CTPS2: variants seen among roughly 807,000 people sequenced by gnomAD.
The protein encoded by CTPS2 is CTP synthase II.
In CTPS2, 19 loss-of-function variants were observed where a neutral mutation model predicts 46.8. That is an observed-to-expected ratio of 0.41 (90% CI 0.28 to 0.60). The LOEUF is 0.60. Among genes scored for constraint, CTPS2 ranks in the 20% least tolerant of loss-of-function variants. The probability of loss-of-function intolerance (pLI) is 0.35; values close to 1 mark genes in which losing one functional copy is unlikely to be tolerated. For synonymous variants in CTPS2, 151 were observed against 165.2 expected (o/e 0.91, Z 0.66); for missense variants, 286 against 447.6 (o/e 0.64, Z 3.26).
chrX:16,666,688 G>T (rs915742491), intron 13 of CTPS2, among the ~76,000 whole-genome samples: 2 of 111,675 alleles, frequency 1.8e-5, no homozygotes, highest in East Asian at 5.6e-4. Context: ...AGCCTGGGAG[G>T]AATCAGGATG....
chrX:16,691,339 G>T (rs1177966206), intron 7 of CTPS2, among the ~76,000 whole-genome samples: 1 of 111,404 alleles, frequency 9.0e-6, no homozygotes, highest in African/African-American at 3.3e-5. Flanking sequence ...AGCCCACCCT[G>T]GTTTTGTGAC....
chrX:16,675,287 T>C (rs1400009299), intron 10 of CTPS2, among the ~76,000 whole-genome samples: 2 of 104,521 alleles, frequency 1.9e-5, no homozygotes, highest in Non-Finnish European at 3.9e-5. Flanking sequence ...AAAAAAAAAC[T>C]TGTAAAGGAT....
At chrX:16,648,656 C>T (rs916047508) in intron 13 of CTPS2, among the ~76,000 whole-genome samples, 1 of 112,017 alleles carries the variant, frequency 8.9e-6, no homozygotes, top group Non-Finnish European at 1.9e-5. Context: ...AAATAAAATG[C>T]CTGTCTTTAC....
At chrX:16,650,511 C>CTTTT (rs1167079038) in intron 13 of CTPS2, among the ~76,000 whole-genome samples, 12 of 77,153 alleles carry the variant, frequency 1.6e-4, no homozygotes, top group East Asian at 4.0e-4. Flanking sequence ...TCTAAGATGT[C>CTTTT]TTTTTTTTTT....
intron 14 of CTPS2, among the ~76,000 whole-genome samples, chrX:16,627,261 G>C (rs531771535): frequency 8.9e-6 from 1 of 111,875 alleles, no homozygotes; most frequent in Non-Finnish European, 1.9e-5. Context: ...GAGCCCTCTC[G>C]TATGTGCAAG....
At position 16,664,099 on chromosome X, in the gene CTPS2, G is replaced by C. The variant is rs951655452; in HGVS notation, c.1296+3415C>G. Among the ~76,000 whole-genome samples the C allele has an allele frequency of 8.0e-5, 9 of 112,181 alleles. No individual in the cohort carries two copies. In the East Asian group the frequency reaches 2.2e-3, roughly 28 times the overall value. On this transcript the variant is annotated intron_variant, in intron 13 of 18. Coordinates refer to ENST00000359276, the MANE Select transcript of CTPS2 (RefSeq NM_175859.3). Reference sequence around the variant, plus strand: ...GATCTGCCCGCCTTGGCCTCCCAAAGTGCTGGGATTATAGGCATGAGCCAC... The same window carrying C: ...GATCTGCCCGCCTTGGCCTCCCAAACTGCTGGGATTATAGGCATGAGCCAC...
chrX:16,699,050 G>A lies in CTPS2; in HGVS notation c.210C>T (p.Asp70=). The change falls in exon 3 of 19, where the codon GAC becomes GAT. Residue 70 remains aspartate (D), a synonymous_variant. Transcript: ENST00000359276. ...VLNDGGEVDL[D]LGNYERFLDI... ...CCAAAAATCTTTCATAATTTCCAAG[G>A]TCTAAATCAACTTCTCCACCATCAT... 1 of 1,179,077 alleles carries A rather than the reference G, an allele frequency of 8.5e-7. No homozygotes were observed. Among genetic ancestry groups the A allele is most frequent in the East Asian group, 3.1e-5 (1 of 32,251 alleles).
At chrX:16,654,570 C>G in intron 13 of CTPS2, 1 of 636,858 alleles carries the variant, frequency 1.6e-6, no homozygotes, top group South Asian at 3.4e-5. Flanking sequence ...GTGGTCTTAT[C>G]CTATGTGGAA....
At position 16,592,665 on chromosome X, in the gene CTPS2, T is replaced by C. The variant is rs148730250; in HGVS notation, c.1692-1803A>G. Among the ~76,000 whole-genome samples the C allele has an allele frequency of 4.6e-3, 517 of 111,809 alleles. 5 individuals are homozygous for C. Among genetic ancestry groups the C allele is most frequent in the South Asian group, 0.014 (37 of 2,618 alleles). On this transcript the variant is annotated intron_variant, in intron 17 of 18. Transcript: ENST00000359276. ...AAACACCCTGCAGTGACATAAAAAATGTTAACGCACTCTCTACACTTGCCT... is the reference window on the plus strand; with the variant it reads ...AAACACCCTGCAGTGACATAAAAAACGTTAACGCACTCTCTACACTTGCCT...
intron 9 of CTPS2, among the ~76,000 whole-genome samples, chrX:16,679,421 T>C (rs1238920330): frequency 9.1e-6 from 1 of 109,556 alleles, no homozygotes; most frequent in Non-Finnish European, 1.9e-5. Context: ...ACCACTTATA[T>C]GAAACCTCAG....
intron 17 of CTPS2, among the ~76,000 whole-genome samples, chrX:16,599,497 A>T (rs1187666587): frequency 1.3e-5 from 1 of 79,832 alleles, no homozygotes; most frequent in Admixed American, 1.5e-4. Flanking sequence ...TTTTTTTGAG[A>T]CAGTGTTTTG....
At chrX:16,683,368 C>T (rs138767797) in intron 8 of CTPS2, 142 bp from the exon 9 acceptor site, 94 of 554,979 alleles carry the variant, frequency 1.7e-4, no homozygotes, top group African/African-American at 1.7e-3. Flanking sequence ...GAGGCTGAGG[C>T]GAGAGAATCA....
intron 17 of CTPS2, among the ~76,000 whole-genome samples, chrX:16,593,542 G>A (rs1038656562): frequency 6.5e-5 from 7 of 107,055 alleles, no homozygotes; most frequent in Admixed American, 6.0e-4. Flanking sequence ...ACTAGAAAAG[G>A]AAGATTTTAC....
At chrX:16,631,114 C>T (rs1024266583) in intron 14 of CTPS2, among the ~76,000 whole-genome samples, 3 of 111,645 alleles carry the variant, frequency 2.7e-5, no homozygotes, top group South Asian at 3.7e-4. Context: ...TTCAGGAGGC[C>T]GAGGCGGGTG....
intron 10 of CTPS2, among the ~76,000 whole-genome samples, chrX:16,674,564 CAT>C (rs1248856605): frequency 9.0e-6 from 1 of 110,968 alleles, no homozygotes; most frequent in Non-Finnish European, 1.9e-5. Context: ...GCAGGCCGGG[CAT>C]GGTGGCTCAC....
chrX:16,708,313 C>A (rs1343013599), intron 1 of CTPS2, among the ~76,000 whole-genome samples: 1 of 111,235 alleles, frequency 9.0e-6, no homozygotes, highest in African/African-American at 3.3e-5. Flanking sequence ...ATACATGTTC[C>A]ATCCCAGATG....
intron 11 of CTPS2, among the ~76,000 whole-genome samples, chrX:16,668,841 C>A (rs1045083708): frequency 5.5e-5 from 6 of 109,672 alleles, no homozygotes; most frequent in African/African-American, 2.0e-4. Flanking sequence ...AGGCAGAGTC[C>A]ATGAGACAAA....
chrX:16,667,355 A>G (rs745506426), intron 13 of CTPS2, among the ~76,000 whole-genome samples, 159 bp downstream of exon 13: 14 of 110,962 alleles, frequency 1.3e-4, no homozygotes, highest in Non-Finnish European at 2.3e-4. Flanking sequence ...GCTACTCTTG[A>G]ACTCCTAACC....
chrX:16,609,125 C>A (rs1930135733), intron 17 of CTPS2, among the ~76,000 whole-genome samples: 1 of 111,172 alleles, frequency 9.0e-6, no homozygotes, highest in African/African-American at 3.3e-5. Context: ...TATTTGCAGC[C>A]TAACAAAGGA....
Sources: gnomAD v4.1 joint callset for allele counts (sites outside exome capture counted in the v4.1 genomes callset) on GRCh38, gnomAD v4.1.1 for gene constraint, MANE v1.5 for transcripts, NCBI Gene and HGNC (gene_info 2026-07-23, HGNC 2026-07-21) for gene names.